Variants in ELAPOR2 observed in about 807,000 individuals in gnomAD.
ELAPOR2 encodes endosome-lysosome associated apoptosis and autophagy regulator family member 2, also known as endosome/lysosome-associated apoptosis and autophagy regulator family member 2.
In ELAPOR2, 89 loss-of-function variants were observed where a neutral mutation model predicts 120.7. The observed-to-expected ratio is 0.74, with a 90% CI of 0.62 to 0.88. The LOEUF (loss-of-function observed/expected upper bound fraction) is 0.88, where lower values mean the gene tolerates loss of function less well. Among genes scored for constraint, ELAPOR2 ranks in the 40% least tolerant of loss-of-function variants. ELAPOR2 has a pLI of 0.00. For synonymous variants in ELAPOR2, 444 were observed against 444.9 expected (o/e 1.00, Z 0.03); for missense variants, 1,134 against 1,251.6 (o/e 0.91, Z 1.42).
intron 1 of ELAPOR2, among the ~76,000 whole-genome samples, chr7:86,981,998 A>G (rs1459223342): frequency 6.6e-6 from 1 of 152,258 alleles, no homozygotes; most frequent in African/African-American, 2.4e-5. Context: ...CGGCAAGCCA[A>G]GAGATTATAT....
intron 1 of ELAPOR2, among the ~76,000 whole-genome samples, chr7:87,034,470 A>T (rs750425346): frequency 3.3e-5 from 5 of 151,952 alleles, no homozygotes; most frequent in Non-Finnish European, 7.4e-5. Flanking sequence ...TTAAAAGGTG[A>T]CAAATGTAGA....
At chr7:86,963,355 GACCCCTAGCCAACAAATGTA>G in intron 2 of ELAPOR2, among the ~76,000 whole-genome samples, 1 of 152,018 alleles carries the variant, frequency 6.6e-6, no homozygotes, top group Non-Finnish European at 1.5e-5. Flanking sequence ...ACAGATTTTT[GACCCCTAGCCAACAAATGTA>G]ATCAGTGCTA....
rs1799329173 is a variant in ELAPOR2, at chr7:86,880,164, T to C, written c.*307A>G. The C allele has an allele frequency of 3.1e-6, 1 of 323,210 alleles. No homozygotes were observed. Among genetic ancestry groups the C allele is most frequent in the African/African-American group, 2.2e-5 (1 of 46,170 alleles). The allele number at this position is 323,210 out of a possible 1,614,324, so 20.0% of individuals were successfully genotyped here. A position where few individuals can be genotyped will look rare whatever the true frequency, so the allele number is the denominator to read the frequency against. Reference sequence around the variant, plus strand: ...AAAGTTACCCATTAATTATATGGCATGCATCAGCAGTGCATTGGTGGGCTT... The same window carrying C: ...AAAGTTACCCATTAATTATATGGCACGCATCAGCAGTGCATTGGTGGGCTT... On this transcript the variant is annotated 3_prime_UTR_variant, in exon 22 of 22. Transcript: ENST00000450689.
At chr7:87,058,403 ACAAT>A (rs986505702) in intron 1 of ELAPOR2, among the ~76,000 whole-genome samples, 28 of 152,314 alleles carry the variant, frequency 1.8e-4, no homozygotes, top group African/African-American at 6.5e-4. Flanking sequence ...TCCTCCCAAC[ACAAT>A]CAAAGTAGGT....
chr7:86,897,602 A>T lies in ELAPOR2; in HGVS notation c.2589T>A (p.Cys863Ter). Residue 863 changes from cysteine to a stop codon, truncating the protein, a stop_gained, in exon 19 of 22, where the codon TGT becomes TGA. Transcript: ENST00000450689. LOFTEE classifies it high-confidence loss of function. Reference protein sequence around the residue: ...SKCPAGTCDGCTFYFLWESAE... With the variant: ...SKCPAGTCDG ...CACTCTCCCACAGGAAATAGAACGT[A>T]CACCCATCACAGGTACCTGCTGGGC... 6.2e-7 allele frequency: 1 copy of T among 1,613,410 alleles called. No individual in the cohort carries two copies. Among genetic ancestry groups the T allele is most frequent in the Non-Finnish European group, 8.5e-7 (1 of 1,179,556 alleles).
At chr7:87,023,178 T>C (rs1794120514) in intron 1 of ELAPOR2, among the ~76,000 whole-genome samples, 1 of 152,244 alleles carries the variant, frequency 6.6e-6, no homozygotes, top group Admixed American at 6.5e-5. Flanking sequence ...GGTTTTCTTC[T>C]AGGGTTTGTA....
intron 1 of ELAPOR2, among the ~76,000 whole-genome samples, chr7:86,972,899 T>C (rs1792153208): frequency 6.6e-6 from 1 of 152,184 alleles, no homozygotes; most frequent in African/African-American, 2.4e-5. Flanking sequence ...ATCCATAATA[T>C]GATCATTACT....
intron 1 of ELAPOR2, among the ~76,000 whole-genome samples, chr7:86,972,002 TAG>T (rs555333837): frequency 6.6e-6 from 1 of 152,162 alleles, no homozygotes; most frequent in Non-Finnish European, 1.5e-5. Context: ...CAACCATGGC[TAG>T]GTGAAGAAGC....
intron 9 of ELAPOR2, among the ~76,000 whole-genome samples, chr7:86,926,507 G>A (rs1790071904): frequency 1.3e-5 from 2 of 151,906 alleles, no homozygotes; most frequent in Admixed American, 1.3e-4. Flanking sequence ...TGCCTTCAGA[G>A]TCCTTTTTAT....
chr7:86,964,781 T>A (rs900120590), intron 2 of ELAPOR2, 123 bp downstream of exon 2: 28 of 963,182 alleles, frequency 2.9e-5, no homozygotes, highest in South Asian at 1.9e-4. Context: ...ATTCTGCTGG[T>A]TATCAATGCC....
At chr7:86,888,471 G>T (rs1799797177) in intron 21 of ELAPOR2, among the ~76,000 whole-genome samples, 1 of 152,012 alleles carries the variant, frequency 6.6e-6, no homozygotes, top group Non-Finnish European at 1.5e-5. Context: ...GCTCTGATGT[G>T]GCTCTCTCAA....
intron 4 of ELAPOR2, among the ~76,000 whole-genome samples, chr7:86,944,664 C>T (rs1790929632): frequency 6.6e-6 from 1 of 151,906 alleles, no homozygotes; most frequent in African/African-American, 2.4e-5. Flanking sequence ...AAAAGTTAAC[C>T]AAGCCCAATG....
chr7:86,891,541 A>C, intron 21 of ELAPOR2, 183 bp downstream of exon 21: 1 of 501,106 alleles, frequency 2.0e-6, no homozygotes, highest in Non-Finnish European at 3.5e-6. Flanking sequence ...CAACCAACGA[A>C]AACAATGCTG....
At chr7:86,931,503 C>A (rs906706504) in intron 8 of ELAPOR2, among the ~76,000 whole-genome samples, 1 of 151,928 alleles carries the variant, frequency 6.6e-6, no homozygotes, top group Non-Finnish European at 1.5e-5. Context: ...AATATCCTGG[C>A]CTCTGTCCTC....
chr7:86,944,420 T>C (rs530517838), intron 4 of ELAPOR2, among the ~76,000 whole-genome samples: 1 of 152,242 alleles, frequency 6.6e-6, no homozygotes, highest in African/African-American at 2.4e-5. Context: ...CAGCCACTTC[T>C]ACTTCTGAAA....
At chr7:87,019,104 T>A (rs1046708419) in intron 1 of ELAPOR2, among the ~76,000 whole-genome samples, 1 of 152,134 alleles carries the variant, frequency 6.6e-6, no homozygotes, top group Non-Finnish European at 1.5e-5. Flanking sequence ...AACAGCAACA[T>A]AGAAAAAAAT....
intron 2 of ELAPOR2, among the ~76,000 whole-genome samples, chr7:86,959,782 T>C (rs1791632783): frequency 6.6e-6 from 1 of 152,244 alleles, no homozygotes; most frequent in South Asian, 2.1e-4. Flanking sequence ...GCTTAGCAGT[T>C]TATTATTTTG....
intron 3 of ELAPOR2, among the ~76,000 whole-genome samples, chr7:86,945,325 T>G (rs1790955867): frequency 6.6e-6 from 1 of 152,256 alleles, no homozygotes; most frequent in African/African-American, 2.4e-5. Context: ...ATAACTAATT[T>G]TAGTAGCCTT....
At chr7:86,884,557 A>G (rs1260703971) in intron 21 of ELAPOR2, among the ~76,000 whole-genome samples, 1 of 152,162 alleles carries the variant, frequency 6.6e-6, no homozygotes, top group African/African-American at 2.4e-5. Context: ...GCAGGATTTA[A>G]GTATGCTTGA....
Sources: allele counts gnomAD v4.1 joint callset (sites outside exome capture counted in the v4.1 genomes callset), GRCh38; gene constraint gnomAD v4.1.1; transcripts MANE v1.5; gene names NCBI Gene and HGNC (gene_info 2026-07-23, HGNC 2026-07-21).